The following DNAH8 variants were observed in gnomAD, a reference collection of about 807,000 sequenced individuals.
DNAH8 encodes the protein dynein axonemal heavy chain 8.
In DNAH8, 382 loss-of-function variants were observed where a neutral mutation model predicts 562.1. The observed-to-expected ratio is 0.68, with a 90% confidence interval of 0.63 to 0.74. The LOEUF (loss-of-function observed/expected upper bound fraction) is 0.74. DNAH8 is among the 30% of genes least tolerant of loss of function. DNAH8 has a pLI of 0.00. For synonymous variants in DNAH8, 1,881 were observed against 1,919.4 expected (o/e 0.98, Z 0.52); for missense variants, 5,203 against 5,620.4 (o/e 0.93, Z 2.37).
intron 6 of DNAH8, 51 bp from the exon 7 acceptor site, chr6:38,737,758 A>C: frequency 3.8e-6 from 3 of 786,826 alleles, no homozygotes; most frequent in Middle Eastern, 4.9e-4. Flanking sequence ...TAATATATTT[A>C]AAATATTTAA....
intron 35 of DNAH8, 83 bp from the exon 36 acceptor site, chr6:38,845,491 C>CAA: frequency 5.8e-6 from 6 of 1,030,388 alleles, no homozygotes; most frequent in South Asian, 1.6e-5. Flanking sequence ...CCCTTTCAAG[C>CAA]AAAAAAAAAA....
intron 82 of DNAH8, among the ~76,000 whole-genome samples, 152 bp from the exon 83 acceptor site, chr6:38,971,437 CACA>C (rs1462296099): frequency 6.6e-6 from 1 of 151,738 alleles, no homozygotes; most frequent in African/African-American, 2.4e-5. Flanking sequence ...CTCTGATCCA[CACA>C]ACCAAAGGCC....
At chr6:38,932,216 A>ACACC (rs375631180) in intron 76 of DNAH8, among the ~76,000 whole-genome samples, 10 of 145,742 alleles carry the variant, frequency 6.9e-5, no homozygotes, top group Admixed American at 5.5e-4. Flanking sequence ...ACACACACAC[A>ACACC]CCCGTCTCTT....
At chr6:38,917,187 A>G in intron 68 of DNAH8, 52 bp from the exon 69 acceptor site, 1 of 1,241,600 alleles carries the variant, frequency 8.1e-7, no homozygotes, top group Middle Eastern at 2.3e-4. Context: ...TTTCCATATA[A>G]CTATTAATAC....
chr6:38,910,395 C>T (rs546181314), intron 65 of DNAH8, among the ~76,000 whole-genome samples: 1 of 152,300 alleles, frequency 6.6e-6, no homozygotes, highest in East Asian at 1.9e-4. Context: ...TGTTTTTCTG[C>T]ATAGAGAGTT....
rs1410832536 is a variant in DNAH8, at chr6:38,900,368, T to C, written c.9194+462T>C. On this transcript the variant is annotated intron_variant, in intron 62 of 92. Coordinates refer to ENST00000327475, the MANE Select transcript of DNAH8 (RefSeq NM_001206927.2). ...CTTAATCAGATACTACCACAGTCTA[T>C]TTATCCATTGTACTCTTGATAAACA... Among the ~76,000 whole-genome samples the C allele has an allele frequency of 4.6e-5, 7 of 152,224 alleles. No individual in the cohort carries two copies. In the East Asian group the frequency reaches 1.3e-3, roughly 29 times the overall value.
At chr6:38,719,308 T>C (rs973061114) in intron 1 of DNAH8, among the ~76,000 whole-genome samples, 5 of 152,196 alleles carry the variant, frequency 3.3e-5, no homozygotes, top group Non-Finnish European at 7.3e-5. Flanking sequence ...TGCTGAGGTT[T>C]GGAGTATGAT....
At chr6:38,971,353 C>A in intron 82 of DNAH8, among the ~76,000 whole-genome samples, 1 of 152,108 alleles carries the variant, frequency 6.6e-6, no homozygotes, top group Non-Finnish European at 1.5e-5. Flanking sequence ...CCATACGTGC[C>A]TTTTTCTCTC....
intron 56 of DNAH8, 97 bp downstream of exon 56, chr6:38,884,095 T>A: frequency 8.3e-6 from 7 of 847,984 alleles, no homozygotes; most frequent in Non-Finnish European, 1.1e-5. Context: ...TTAAAAACTT[T>A]ATGTTTTTAA....
At chr6:38,913,984 G>T in intron 67 of DNAH8, 32 bp downstream of exon 67, 1 of 1,518,134 alleles carries the variant, frequency 6.6e-7, no homozygotes, top group East Asian at 2.3e-5. Flanking sequence ...CACTGATGAG[G>T]AATATTTTTC....
At chr6:38,953,482 G>A (rs1762052028) in intron 82 of DNAH8, among the ~76,000 whole-genome samples, 1 of 152,180 alleles carries the variant, frequency 6.6e-6, no homozygotes, top group Non-Finnish European at 1.5e-5. Flanking sequence ...TGCTTTGCTT[G>A]GCAATTTGGT....
chr6:38,821,709 C>T (rs1348287405), intron 26 of DNAH8, among the ~76,000 whole-genome samples: 4 of 152,104 alleles, frequency 2.6e-5, no homozygotes, highest in South Asian at 2.1e-4. Context: ...ACTACCGGCA[C>T]GTGCCACCAT....
Position 38,896,073 on chromosome 6 carries a change from C to A in DNAH8, c.8788C>A (p.Leu2930Ile). 6 of 1,613,964 alleles carry A rather than the reference C, an allele frequency of 3.7e-6. No individual in the cohort carries two copies. Among genetic ancestry groups the A allele is most frequent in the Non-Finnish European group, 5.1e-6 (6 of 1,179,890 alleles). ...AGATGAGCAGTGGTTTAATGCACAT[C>A]TTACTCGTGCAGTTGAAGAAAATAT... ...PEDEQWFNAH[L>I]TRAVEENIGS... Residue 2930 changes from leucine to isoleucine, a missense_variant, in exon 60 of 93, where the codon CTT becomes ATT. Physicochemically the swap from Leu to Ile is conservative, Grantham distance 5. Transcript: ENST00000327475.
At chr6:38,944,729 C>T (rs1387800716) in intron 79 of DNAH8, among the ~76,000 whole-genome samples, 2 of 152,174 alleles carry the variant, frequency 1.3e-5, no homozygotes, top group African/African-American at 4.8e-5. Flanking sequence ...AAGCAAGGGC[C>T]TGGTTGGGTT....
At chr6:38,814,022 G>A (rs1772027690) in intron 24 of DNAH8, 32 bp from the exon 25 acceptor site, 1 of 1,438,350 alleles carries the variant, frequency 7.0e-7, no homozygotes, top group African/African-American at 1.4e-5. Context: ...TTTAGGGTAA[G>A]GTTCATCAGC....
At chr6:38,924,308 C>A in intron 73 of DNAH8, 146 bp downstream of exon 73, 1 of 698,638 alleles carries the variant, frequency 1.4e-6, no homozygotes, top group Non-Finnish European at 2.3e-6. Flanking sequence ...GTCAGGAGTT[C>A]AAGACCAGCC....
At chr6:38,750,433 A>G (rs557453884) in intron 8 of DNAH8, 43 bp from the exon 9 acceptor site, 7 of 1,345,028 alleles carry the variant, frequency 5.2e-6, no homozygotes, top group East Asian at 2.3e-5. Flanking sequence ...GCACACTGAT[A>G]TATTTGGATG....
At chr6:38,932,900 G>C (rs1782665781) in intron 76 of DNAH8, 1 of 152,282 alleles carries the variant, frequency 6.6e-6, no homozygotes. Flanking sequence ...AGTTACCACA[G>C]GCACAGGCCC....
intron 40 of DNAH8, 27 bp downstream of exon 40, chr6:38,852,825 T>C (rs760693245): frequency 6.5e-7 from 1 of 1,544,626 alleles, no homozygotes; most frequent in African/African-American, 1.4e-5. Context: ...TAAATTTTTT[T>C]ATTAGAATTT....
Sources: gnomAD v4.1 joint callset for allele counts (sites outside exome capture counted in the v4.1 genomes callset) on GRCh38, gnomAD v4.1.1 for gene constraint, MANE v1.5 for transcripts, NCBI Gene and HGNC (gene_info 2026-07-23, HGNC 2026-07-21) for gene names.